The following HIP1 variants were observed in gnomAD, a reference collection of about 807,000 sequenced individuals.
The protein encoded by HIP1 is huntingtin-interacting protein 1.
HIP1 carries 65 observed loss-of-function variants against 147.6 expected under a neutral mutation model. The ratio of observed to expected loss-of-function variants is 0.44; its 90% CI spans 0.36 to 0.54. The LOEUF (loss-of-function observed/expected upper bound fraction) is 0.54. Among genes scored for constraint, HIP1 ranks in the 20% least tolerant of loss-of-function variants. The probability of loss-of-function intolerance (pLI) is 0.00; values close to 1 mark genes in which losing one functional copy is unlikely to be tolerated. For synonymous variants in HIP1, 479 were observed against 504.0 expected (o/e 0.95, Z 0.67); for missense variants, 1,061 against 1,299.6 (o/e 0.82, Z 2.82).
chr7:75,642,420 A>G (rs1798677230), intron 1 of HIP1, among the ~76,000 whole-genome samples: 3 of 152,186 alleles, frequency 2.0e-5, no homozygotes. Flanking sequence ...CTGTAATCCC[A>G]TCTAGTCAGG....
intron 1 of HIP1, among the ~76,000 whole-genome samples, chr7:75,649,349 G>A (rs1554511593): frequency 6.6e-6 from 1 of 152,156 alleles, no homozygotes; most frequent in African/African-American, 2.4e-5. Context: ...TGAAATCATA[G>A]CAAAGCACTT....
intron 1 of HIP1, among the ~76,000 whole-genome samples, chr7:75,629,864 C>T (rs1563256361): frequency 1.3e-5 from 2 of 152,158 alleles, no homozygotes; most frequent in African/African-American, 2.4e-5. Context: ...TAAAGCACAG[C>T]TCTTCCAGGT....
intron 1 of HIP1, among the ~76,000 whole-genome samples, chr7:75,692,722 G>A (rs1450160523): frequency 4.0e-5 from 6 of 151,830 alleles, no homozygotes; most frequent in Non-Finnish European, 7.4e-5. Flanking sequence ...GAGCCACTGC[G>A]CCCAGACACT....
chr7:75,587,023 C>T (rs1554499773), intron 4 of HIP1, among the ~76,000 whole-genome samples, 190 bp from the exon 5 acceptor site: 1 of 152,124 alleles, frequency 6.6e-6, no homozygotes, highest in Non-Finnish European at 1.5e-5. Context: ...TCACTGCAGC[C>T]TCCACCTCCT....
At chr7:75,616,712 GC>G (rs1797682233) in intron 1 of HIP1, among the ~76,000 whole-genome samples, 1 of 152,122 alleles carries the variant, frequency 6.6e-6, no homozygotes, top group Non-Finnish European at 1.5e-5. Flanking sequence ...ATGTTTGCTG[GC>G]CCCTGGACTA....
chr7:75,595,290 TTC>T (rs1173771746), intron 2 of HIP1, among the ~76,000 whole-genome samples: 8 of 145,924 alleles, frequency 5.5e-5, no homozygotes, highest in Admixed American at 6.9e-5. Context: ...CTTCCTTTCT[TTC>T]TTTCTCTCTC....
In HIP1 at chr7:75,568,122, C is replaced by T; in HGVS notation, c.803+77G>A. ...TGAACCACTGTGTCCAGCCACCTCT[C>T]ACAGTGCACTTGCATGGCTTAATGA... On this transcript the variant is annotated intron_variant, in intron 9 of 30. Transcript: ENST00000336926. This position sits in a 1 kb window ranked among gnomAD's most constrained non-coding sequence, Gnocchi z 4.1. The T allele has an allele frequency of 8.5e-6, 9 of 1,053,704 alleles. No homozygotes were observed. The South Asian group carries it at 1.1e-4, about 13-fold the overall frequency. The allele number at this position is 1,053,704 out of a possible 1,614,324, so 65.3% of individuals were successfully genotyped here.
At chr7:75,616,463 G>A (rs1297306233) in intron 1 of HIP1, among the ~76,000 whole-genome samples, 2 of 152,020 alleles carry the variant, frequency 1.3e-5, no homozygotes, top group African/African-American at 2.4e-5. Context: ...TGTAGAGACC[G>A]GGTCTCACTT....
At chr7:75,544,846 G>T in intron 26 of HIP1, 46 bp from the exon 27 acceptor site, 1 of 1,218,474 alleles carries the variant, frequency 8.2e-7, no homozygotes, top group Non-Finnish European at 1.2e-6. Flanking sequence ...CAAATGAGCT[G>T]CAACTCCTCC....
chr7:75,590,469 GA>G (rs1554500527), intron 4 of HIP1, among the ~76,000 whole-genome samples: 1 of 152,066 alleles, frequency 6.6e-6, no homozygotes, highest in African/African-American at 2.4e-5. Context: ...AGAAGGCAAG[GA>G]ATGAGAGAAA....
chr7:75,586,896 G>T lies in HIP1; in HGVS notation c.385-63C>A. 3 of 955,664 alleles carry T rather than the reference G, an allele frequency of 3.1e-6. No individual in the cohort carries two copies. In the South Asian group the frequency reaches 4.0e-5, roughly 13 times the overall value. The allele number at this position is 955,664 out of a possible 1,614,324, so 59.2% of individuals were successfully genotyped here. A position where few individuals can be genotyped will look rare whatever the true frequency, so the allele number is the denominator to read the frequency against. The stretch of plus-strand genomic sequence containing the variant: ...GAACATAACAGTCAAGAGATCTGCA[G>T]CCAGGAATTCTCTGGTAAAGAATCT... On this transcript the variant is annotated intron_variant, in intron 4 of 30. Transcript: ENST00000336926.
chr7:75,661,251 C>T (rs58100140), intron 1 of HIP1, among the ~76,000 whole-genome samples: 11,861 of 148,344 alleles, frequency 0.08, 640 homozygotes, highest in East Asian at 0.14. Context: ...GCACTCCAGC[C>T]TAGGTGACAA....
At chr7:75,620,629 C>T (rs6943517) in intron 1 of HIP1, among the ~76,000 whole-genome samples, 1,682 of 151,822 alleles carry the variant, frequency 0.011, 29 homozygotes, top group African/African-American at 0.039. Context: ...GAGGTTGCAG[C>T]GAGCTGAGAT....
intron 1 of HIP1, among the ~76,000 whole-genome samples, chr7:75,602,989 G>C (rs1554503264): frequency 6.6e-6 from 1 of 151,948 alleles, no homozygotes; most frequent in South Asian, 2.1e-4. Flanking sequence ...ATGAGACAGA[G>C]ATGAGTGATG....
rs1794961387 is a variant in HIP1 at position 75,555,442 on chromosome 7, G to A, written c.1937C>T (p.Pro646Leu). 2 of 1,613,970 alleles carry A rather than the reference G, an allele frequency of 1.2e-6. No individual in the cohort carries two copies. Among genetic ancestry groups the A allele is most frequent in the African/African-American group, 2.7e-5 (2 of 75,054 alleles). Residue 646 changes from proline to leucine, a missense_variant, in exon 19 of 31, where the codon CCT becomes CTT. Pro to Leu is a moderately conservative substitution (Grantham distance 98). Coordinates refer to ENST00000336926, the MANE Select transcript of HIP1 (RefSeq NM_005338.7). Reference protein sequence around the residue: ...QDALNQLEEPPLISCAGSADH... With the variant: ...QDALNQLEEPLLISCAGSADH... ...TGCAGACCCAGCGCAGCTGATGAGA[G>A]GAGGTTCTTCAAGCTGGTTCAGGGC...
chr7:75,626,957 T>A (rs1798065036), intron 1 of HIP1: 1 of 152,206 alleles, frequency 6.6e-6, no homozygotes, highest in Non-Finnish European at 1.5e-5. Flanking sequence ...ACAGTAGTTT[T>A]AGATGGTGGA....
At chr7:75,538,305 G>A in intron 30 of HIP1, 81 bp from the exon 31 acceptor site, 1 of 1,041,900 alleles carries the variant, frequency 9.6e-7, no homozygotes, top group Non-Finnish European at 1.5e-6. Context: ...GCCACCATGG[G>A]GGCTCAAAAA....
chr7:75,637,395 A>G (rs574769431), intron 1 of HIP1, among the ~76,000 whole-genome samples: 1 of 152,260 alleles, frequency 6.6e-6, no homozygotes, highest in Non-Finnish European at 1.5e-5. Flanking sequence ...CCATTGGACT[A>G]AAGTAGAGTT....
At chr7:75,599,435 G>A (rs1307633212) in intron 1 of HIP1, among the ~76,000 whole-genome samples, 188 bp from the exon 2 acceptor site, 3 of 152,152 alleles carry the variant, frequency 2.0e-5, no homozygotes, top group African/African-American at 7.2e-5. Flanking sequence ...GGAGCCAGCT[G>A]GCTGGGCCGT....
Sources: gnomAD v4.1 joint callset for allele counts (sites outside exome capture counted in the v4.1 genomes callset) on GRCh38, gnomAD v4.1.1 for gene constraint, Gnocchi (gnomAD v3.1) non-coding constraint, MANE v1.5 for transcripts, NCBI Gene and HGNC (gene_info 2026-07-23, HGNC 2026-07-21) for gene names.